SPECC1: variants seen among roughly 807,000 people sequenced by gnomAD.
SPECC1 encodes cytospin-B.
Under a neutral mutation model 104.1 loss-of-function variants are expected in SPECC1, and 62 were observed. The ratio of observed to expected loss-of-function variants is 0.60; its 90% CI spans 0.49 to 0.74. SPECC1 has a LOEUF of 0.74. SPECC1 is among the 30% of genes least tolerant of loss of function. The pLI, the probability that SPECC1 is intolerant of heterozygous loss-of-function variation, is 0.00. For synonymous variants in SPECC1, 513 were observed against 501.6 expected (o/e 1.02, Z -0.30); for missense variants, 1,306 against 1,310.5 (o/e 1.00, Z 0.05).
chr17:20,084,289 C>T (rs553327525), intron 1 of SPECC1, among the ~76,000 whole-genome samples: 1 of 152,106 alleles, frequency 6.6e-6, no homozygotes, highest in South Asian at 2.1e-4. Context: ...ATTAGTCGGG[C>T]ACAGTGGAGG....
chr17:20,048,136 C>T (rs1471483369), intron 1 of SPECC1, among the ~76,000 whole-genome samples: 2 of 139,900 alleles, frequency 1.4e-5, no homozygotes, highest in African/African-American at 5.2e-5. Flanking sequence ...AGAAATGAGT[C>T]TTTTTTTTTT....
At position 20,108,873 on chromosome 17, in the gene SPECC1, C is replaced by T. The variant is rs557241541; in HGVS notation, c.148-1554C>T. ...TGCTCACTTAGGAGTCTCCCTTCTT[C>T]GACTTACTGCCTTTCAGCAAATGTT... On this transcript the variant is annotated intron_variant, in intron 2 of 14. Transcript: ENST00000395527. Among the ~76,000 whole-genome samples the T allele has an allele frequency of 5.3e-5, 8 of 152,278 alleles. No individual in the cohort carries two copies. The East Asian group carries it at 9.6e-4, about 18-fold the overall frequency.
chr17:20,028,369 T>C (rs1302391961), intron 1 of SPECC1, among the ~76,000 whole-genome samples: 1 of 152,088 alleles, frequency 6.6e-6, no homozygotes, highest in Non-Finnish European at 1.5e-5. Context: ...ATGTGGTGGC[T>C]CATGCCAGTT....
chr17:20,272,889 T>G (rs2040454012), intron 12 of SPECC1, among the ~76,000 whole-genome samples: 1 of 152,238 alleles, frequency 6.6e-6, no homozygotes, highest in Non-Finnish European at 1.5e-5. Flanking sequence ...TATCACCAAA[T>G]CTCTCTATGC....
Position 20,205,817 on chromosome 17 carries a change from G to C in SPECC1, c.1768G>C (p.Glu590Gln). ...AGAAATGTTGAAAGTAGCCCGAGCA[G>C]AGAAAGATCTACTGGAACTGTCTTG... ...VQEMLKVARA[E>Q]KDLLELSCNE... The change falls in exon 4 of 15, where the codon GAG becomes CAG. Residue 590 changes from glutamate (E) to glutamine (Q), a missense_variant. Coordinates refer to ENST00000395527, the MANE Select transcript of SPECC1 (RefSeq NM_001243439.2). 6.2e-7 allele frequency: 1 copy of C among 1,614,226 alleles called. No individual in the cohort carries two copies. Among genetic ancestry groups the C allele is most frequent in the Non-Finnish European group, 8.5e-7 (1 of 1,180,044 alleles).
At chr17:20,176,224 G>T (rs2034462718) in intron 3 of SPECC1, among the ~76,000 whole-genome samples, 1 of 152,176 alleles carries the variant, frequency 6.6e-6, no homozygotes, top group Non-Finnish European at 1.5e-5. Flanking sequence ...AAGTTAATAA[G>T]TTCTCAATGA....
intron 1 of SPECC1, among the ~76,000 whole-genome samples, chr17:20,082,603 A>ATG (rs2047016624): frequency 6.6e-6 from 1 of 150,706 alleles, no homozygotes; most frequent in Admixed American, 6.6e-5. Flanking sequence ...CTCAAACTAT[A>ATG]TGTGTGTATA....
intron 13 of SPECC1, among the ~76,000 whole-genome samples, chr17:20,302,399 A>G (rs2041618643): frequency 1.3e-5 from 2 of 151,930 alleles, no homozygotes; most frequent in Non-Finnish European, 2.9e-5. Flanking sequence ...CCCGTGGGGG[A>G]AGTGAGGCCC....
intron 1 of SPECC1, among the ~76,000 whole-genome samples, chr17:20,080,623 C>G (rs2046932484): frequency 6.6e-6 from 1 of 151,994 alleles, no homozygotes; most frequent in Non-Finnish European, 1.5e-5. Context: ...GAATGAGACT[C>G]TCGTGGGGAG....
At chr17:20,075,827 G>A (rs1463515697) in intron 1 of SPECC1, among the ~76,000 whole-genome samples, 1 of 152,086 alleles carries the variant, frequency 6.6e-6, no homozygotes, top group Non-Finnish European at 1.5e-5. Flanking sequence ...TGCACCTGTA[G>A]CACCAGCTAC....
At chr17:20,064,111 G>A (rs904149718) in intron 1 of SPECC1, among the ~76,000 whole-genome samples, 9 of 152,208 alleles carry the variant, frequency 5.9e-5, no homozygotes, top group Admixed American at 5.9e-4. Flanking sequence ...AGGCAAGTGA[G>A]ACCAGCAGGG....
At position 20,239,582 on chromosome 17, in the gene SPECC1, A is replaced by AT. The variant is rs925565598; in HGVS notation, c.2352-6334dup. 4.8e-3 allele frequency among the ~76,000 whole-genome samples: 720 copies of AT among 150,168 alleles called. 4 individuals carry two copies. The highest frequency in any genetic ancestry group is 0.016 in the African/African-American group (676 of 41,098). ...CTTACTAATGCACAACAAGGTTATA[A>AT]TTTTTTTTTTATGAGTAATGCTATA... On this transcript the variant is annotated intron_variant, in intron 7 of 14. Transcript: ENST00000395527.
chr17:20,264,765 A>C (rs971675958), intron 12 of SPECC1, among the ~76,000 whole-genome samples: 3 of 151,974 alleles, frequency 2.0e-5, no homozygotes, highest in Non-Finnish European at 4.4e-5. Context: ...CACCTGTAAT[A>C]TACATAAAGG....
At position 20,204,322 on chromosome 17, in the gene SPECC1, CTGTCTT is replaced by C. The variant is rs1567934457; in HGVS notation, c.284-9_284-4del. On this transcript the variant is annotated splice_region_variant and splice_polypyrimidine_tract_variant and intron_variant, in intron 3 of 14. Coordinates refer to ENST00000395527, the MANE Select transcript of SPECC1 (RefSeq NM_001243439.2). ...TTTATTTTTTCATTTTTTTCTTCTT[CTGTCTT>C]TAAGGGGCCTTTACAACAACTAAAC... 1 of 1,581,308 alleles carries C rather than the reference CTGTCTT, an allele frequency of 6.3e-7. No individual in the cohort carries two copies. Among genetic ancestry groups the C allele is most frequent in the East Asian group, 2.2e-5 (1 of 44,584 alleles).
intron 1 of SPECC1, among the ~76,000 whole-genome samples, chr17:20,076,460 A>G (rs1455199874): frequency 2.0e-5 from 3 of 152,200 alleles, no homozygotes; most frequent in African/African-American, 7.2e-5. Flanking sequence ...TTGGCCTCCT[A>G]AAGTGCTGGG....
chr17:20,309,244 TAA>T (rs1186979092), intron 14 of SPECC1, among the ~76,000 whole-genome samples: 2 of 152,230 alleles, frequency 1.3e-5, no homozygotes, highest in Non-Finnish European at 2.9e-5. Context: ...CATGACACTT[TAA>T]AACTACACCC....
chr17:20,125,239 T>C (rs1361704990), intron 3 of SPECC1, among the ~76,000 whole-genome samples: 2 of 152,130 alleles, frequency 1.3e-5, no homozygotes. Flanking sequence ...TCCATCAACC[T>C]AATTTACTGG....
intron 3 of SPECC1, chr17:20,112,635 G>C: frequency 6.7e-6 from 6 of 891,342 alleles, no homozygotes; most frequent in Non-Finnish European, 9.6e-6. Flanking sequence ...GTGCTTGACT[G>C]TGCAAATCTT....
chr17:20,139,837 G>A (rs1187894825), intron 3 of SPECC1, among the ~76,000 whole-genome samples: 1 of 152,064 alleles, frequency 6.6e-6, no homozygotes. Flanking sequence ...ACCACGCCTG[G>A]CTAATTTTTT....
Sources: allele counts gnomAD v4.1 joint callset (sites outside exome capture counted in the v4.1 genomes callset), GRCh38; gene constraint gnomAD v4.1.1; transcripts MANE v1.5; gene names NCBI Gene and HGNC (gene_info 2026-07-23, HGNC 2026-07-21).